The following FHIT variants were observed in gnomAD, a reference collection of about 807,000 sequenced individuals.
FHIT encodes fragile histidine triad diadenosine triphosphatase.
Under a neutral mutation model 17.9 loss-of-function variants are expected in FHIT, and 19 were observed. The ratio of observed to expected loss-of-function variants is 1.06; its 90% CI spans 0.74 to 1.56. FHIT has a LOEUF of 1.56. FHIT is among the 40% of genes most tolerant of loss of function. FHIT has a pLI of 0.00. For synonymous variants in FHIT, 81 were observed against 69.7 expected, an observed-to-expected ratio of 1.16 and a Z score of -0.81; for missense variants, 248 against 189.2, an observed-to-expected ratio of 1.31 and a Z score of -1.82.
intron 5 of FHIT, among the ~76,000 whole-genome samples, chr3:60,317,008 T>C (rs567664539): frequency 6.6e-6 from 1 of 152,270 alleles, no homozygotes; most frequent in African/African-American, 2.4e-5. Context: ...CAAATGATCC[T>C]TATTCACAAT....
intron 5 of FHIT, among the ~76,000 whole-genome samples, chr3:60,179,055 T>C (rs1701807395): frequency 6.6e-6 from 1 of 152,122 alleles, no homozygotes; most frequent in Admixed American, 6.5e-5. Flanking sequence ...TGTAAAAAGA[T>C]AGTAAAAAGG....
intron 2 of FHIT, among the ~76,000 whole-genome samples, chr3:61,105,349 T>C (rs1454956744): frequency 6.6e-6 from 1 of 152,148 alleles, no homozygotes; most frequent in Admixed American, 6.6e-5. Flanking sequence ...AACACTCAGC[T>C]TCCAACTCAT....
At position 60,788,664 on chromosome 3, in the gene FHIT, G is replaced by A. The variant is rs1235732885; in HGVS notation, c.-18+33255C>T. Among the ~76,000 whole-genome samples the A allele has an allele frequency of 3.3e-5, 5 of 152,044 alleles. 1 individual carries two copies. The highest frequency in any genetic ancestry group is 1.9e-4 in the East Asian group (1 of 5,176). On this transcript the variant is annotated intron_variant, in intron 4 of 9. Coordinates refer to ENST00000492590, the MANE Select transcript of FHIT (RefSeq NM_002012.4). ...TCTCCAGGGCAGGAGACAGGGTGTT[G>A]ACATTCACAGTATAGCCTAAGTGAA...
intron 3 of FHIT, among the ~76,000 whole-genome samples, chr3:60,849,069 T>C (rs1328309478): frequency 2.0e-5 from 3 of 152,160 alleles, no homozygotes; most frequent in Non-Finnish European, 4.4e-5. Flanking sequence ...GCAGACTGAA[T>C]ATTTTTATCA....
At chr3:60,041,175 C>T (rs190951929) in intron 5 of FHIT, among the ~76,000 whole-genome samples, 44 of 152,276 alleles carry the variant, frequency 2.9e-4, no homozygotes, top group African/African-American at 8.9e-4. Context: ...AGCAACCTAC[C>T]CTATGATCCT....
chr3:60,703,353 T>C (rs2041293620), intron 4 of FHIT, among the ~76,000 whole-genome samples: 1 of 152,228 alleles, frequency 6.6e-6, no homozygotes, highest in Non-Finnish European at 1.5e-5. Context: ...ATGTCTGTTA[T>C]TTTAAGCCAC....
At chr3:60,009,205 GTGTGTGTGTGTGTGTGTGTGTGTGTA>G (rs1171416021) in intron 7 of FHIT, among the ~76,000 whole-genome samples, 12 of 148,858 alleles carry the variant, frequency 8.1e-5, no homozygotes, top group African/African-American at 2.7e-4. Flanking sequence ...GTGTGTGTGT[GTGTGTGTGTGTGTGTGTGTGTGTGTA>G]TGGTGGTTTT....
At chr3:60,697,110 T>C (rs879960631) in intron 4 of FHIT, among the ~76,000 whole-genome samples, 1 of 152,226 alleles carries the variant, frequency 6.6e-6, no homozygotes, top group Admixed American at 6.5e-5. Flanking sequence ...GATTGAATTA[T>C]TAATATTTCA....
In FHIT at chr3:61,238,567, A is replaced by G. The variant is rs931229834; in HGVS notation, c.-213+12734T>C. ...AAGGAAGCAAAAGACACAGGAGCTA[A>G]CCTATAGGAGACTAAGAAAGGTCAA... is the stretch of plus-strand genomic sequence containing the variant. On this transcript the variant is annotated intron_variant, in intron 1 of 9. Coordinates refer to ENST00000492590, the MANE Select transcript of FHIT (RefSeq NM_002012.4). Among the ~76,000 whole-genome samples, 17 of 152,356 alleles carry G rather than the reference A, an allele frequency of 1.1e-4. No homozygotes were observed. In the South Asian group the frequency reaches 3.3e-3, roughly 30 times the overall value.
chr3:60,486,731 A>G (rs1166807346), intron 5 of FHIT, among the ~76,000 whole-genome samples: 2 of 152,178 alleles, frequency 1.3e-5, no homozygotes, highest in African/African-American at 4.8e-5. Context: ...TCCTTATCAA[A>G]AAGACATGTT....
intron 5 of FHIT, among the ~76,000 whole-genome samples, chr3:60,171,685 G>A (rs573071835): frequency 6.6e-6 from 1 of 152,092 alleles, no homozygotes; most frequent in South Asian, 2.1e-4. Context: ...CCACATTCAT[G>A]CATTCATTTA....
intron 7 of FHIT, among the ~76,000 whole-genome samples, chr3:59,975,492 A>T (rs1188528823): frequency 2.6e-5 from 4 of 152,054 alleles, no homozygotes; most frequent in Non-Finnish European, 5.9e-5. Context: ...CATTATTTTT[A>T]TTTTCTTTCT....
At position 60,317,314 on chromosome 3, in the gene FHIT, T is replaced by A. The variant is rs145268122; in HGVS notation, c.103+219546A>T. Among the ~76,000 whole-genome samples the A allele has an allele frequency of 5.5e-3, 831 of 151,954 alleles. 11 individuals carry two copies. The highest frequency in any genetic ancestry group is 0.019 in the African/African-American group (785 of 41,500). ...TAAATTTTCCTGATGATTCTATTCA[T>A]CCTGGACTGACAATTGTTATCTTTG... On this transcript the variant is annotated intron_variant, in intron 5 of 9. Transcript: ENST00000492590.
rs185297536 is a variant in FHIT, at chr3:59,905,798, C to G, written c.348+16548G>C. Among the ~76,000 whole-genome samples, 158 of 152,262 alleles carry G rather than the reference C, an allele frequency of 1.0e-3. 1 individual carries two copies. The highest frequency in any genetic ancestry group is 1.9e-3 in the Non-Finnish European group (130 of 68,014). ...AGAAGAACAAAAACGTCAACGTTCA[C>G]AGCTTAAAGACATTTAGCACCTCAA... On this transcript the variant is annotated intron_variant, in intron 8 of 9. Coordinates refer to ENST00000492590, the MANE Select transcript of FHIT (RefSeq NM_002012.4).
chr3:60,136,228 G>A (rs1277924823), intron 5 of FHIT, among the ~76,000 whole-genome samples: 1 of 152,130 alleles, frequency 6.6e-6, no homozygotes. Flanking sequence ...AGAAGAGGGA[G>A]GCATCTGGAG....
chr3:60,715,695 A>G lies in FHIT; in HGVS notation c.-18+106224T>C, dbSNP rs368854745. Among the ~76,000 whole-genome samples the G allele has an allele frequency of 3.8e-4, 58 of 151,856 alleles. No individual in the cohort carries two copies. The South Asian group carries it at 0.012, about 32-fold the overall frequency. On this transcript the variant is annotated intron_variant, in intron 4 of 9. Transcript: ENST00000492590. ...TAAATGATGAGTTAATGGGTGCAGC[A>G]CACCAGCATGGCACATGTATACATA...
At chr3:61,016,227 GGGA>G (rs2032098031) in intron 3 of FHIT, among the ~76,000 whole-genome samples, 1 of 152,278 alleles carries the variant, frequency 6.6e-6, no homozygotes, top group African/African-American at 2.4e-5. Flanking sequence ...TAAAACCAGA[GGGA>G]GGAGAAGTGG....
chr3:60,012,266 G>GTTTT (rs769497004), intron 6 of FHIT, among the ~76,000 whole-genome samples: 51 of 112,460 alleles, frequency 4.5e-4, no homozygotes, highest in South Asian at 1.5e-3. Flanking sequence ...TTTTTTTGTT[G>GTTTT]TTTTTTTTTT....
intron 4 of FHIT, among the ~76,000 whole-genome samples, chr3:60,685,969 CA>C (rs1365997787): frequency 2.0e-5 from 3 of 151,972 alleles, no homozygotes; most frequent in Non-Finnish European, 4.4e-5. Context: ...CTTGTCATCC[CA>C]AAGAACAAAG....
Sources: gnomAD v4.1 joint callset for allele counts (sites outside exome capture counted in the v4.1 genomes callset) on GRCh38, gnomAD v4.1.1 for gene constraint, MANE v1.5 for transcripts, NCBI Gene and HGNC (gene_info 2026-07-23, HGNC 2026-07-21) for gene names.